Variants in TUBGCP2 observed in about 807,000 individuals in gnomAD.
TUBGCP2 encodes gamma-tubulin complex component 2.
Under a neutral mutation model 92.2 loss-of-function variants are expected in TUBGCP2, and 55 were observed. That is an observed-to-expected ratio of 0.60 (90% CI 0.48 to 0.75). TUBGCP2 has a LOEUF of 0.75. Ranked by LOEUF, TUBGCP2 falls within the 30% of genes least tolerant of loss-of-function variation. The probability of loss-of-function intolerance (pLI) is 0.00; values close to 1 mark genes in which losing one functional copy is unlikely to be tolerated. For synonymous variants in TUBGCP2, 533 were observed against 505.2 expected, an observed-to-expected ratio of 1.06 and a Z score of -0.74; for missense variants, 1,093 against 1,188.9, an observed-to-expected ratio of 0.92 and a Z score of 1.19.
At position 133,291,912 on chromosome 10, in the gene TUBGCP2, A is replaced by G. The variant is rs550222434; in HGVS notation, c.1214+587T>C. Among the ~76,000 whole-genome samples the G allele has an allele frequency of 6.0e-3, 50 of 8,298 alleles. 2 individuals carry two copies. Among genetic ancestry groups the G allele is most frequent in the African/African-American group, 0.018 (27 of 1,486 alleles). 5.4% of individuals were successfully genotyped at this position (8,298 alleles called of 152,430 possible). A position where few individuals can be genotyped will look rare whatever the true frequency, so the allele number is the denominator to read the frequency against. On this transcript the variant is annotated intron_variant, in intron 8 of 17. Coordinates refer to ENST00000252936, the MANE Select transcript of TUBGCP2 (RefSeq NM_006659.4). Reference sequence around the variant, plus strand: ...GCAGCATGCACCGTCCGTGTCCCCCATGTCCCTCCGTGTCCCCCATGTCCC... The same window carrying G: ...GCAGCATGCACCGTCCGTGTCCCCCGTGTCCCTCCGTGTCCCCCATGTCCC...
chr10:133,305,996 G>A (rs1446850317), intron 1 of TUBGCP2, among the ~76,000 whole-genome samples: 3 of 152,238 alleles, frequency 2.0e-5, no homozygotes, highest in Non-Finnish European at 4.4e-5. Context: ...TAGAGCTGTG[G>A]TAGAGAGAAG....
chr10:133,288,741 G>T, intron 10 of TUBGCP2, 99 bp downstream of exon 10: 1 of 1,340,712 alleles, frequency 7.5e-7, no homozygotes, highest in Non-Finnish European at 1.0e-6. Context: ...AGACAAGGCG[G>T]AGCTGCCAGA....
At chr10:133,283,330 A>G in intron 14 of TUBGCP2, 109 bp from the exon 15 acceptor site, 7 of 1,486,702 alleles carry the variant, frequency 4.7e-6, no homozygotes, top group East Asian at 2.3e-5. Flanking sequence ...ACGCACTTCT[A>G]CCTCTTAAAT....
chr10:133,283,883 G>C lies in TUBGCP2; in HGVS notation c.2144C>G (p.Ser715Cys). The C allele has an allele frequency of 6.2e-7, 1 of 1,613,880 alleles. No homozygotes were observed. The highest frequency in any genetic ancestry group is 8.5e-7 in the Non-Finnish European group (1 of 1,179,866). ...TWHILEKNLK[S>C]ASNIDDVLGH... ...ATTATCTGTGGAGCTAAAACTCACG[G>C]ATTTCAGGTTTTTCTCCAGGATGTG... Residue 715 changes from serine (S) to cysteine (C), a missense_variant and splice_region_variant, in exon 14 of 18, where the codon TCC becomes TGC. Physicochemically the swap from Ser to Cys is moderately radical, Grantham distance 112 (BLOSUM62 -1). This residue lies in a region of TUBGCP2 where 598 missense variants were observed against 675.5 expected (regional missense o/e 0.89). Coordinates refer to ENST00000252936, the MANE Select transcript of TUBGCP2 (RefSeq NM_006659.4).
At chr10:133,311,506 C>T, upstream of TUBGCP2, 1 of 515,658 alleles carries the variant, frequency 1.9e-6, no homozygotes, top group Non-Finnish European at 3.4e-6. Flanking sequence ...TTATAAGATG[C>T]AGACTCTATT....
rs1847177268 is a variant in TUBGCP2, at chr10:133,288,048, AGG to A, written c.1722+79_1722+80del. ...CTCACCGGGACGGGGAGTGGGGGAC[AGG>A]GCTGGCCTCTGCTGTGCTCTCCTCC... On this transcript the variant is annotated intron_variant, in intron 11 of 17. Coordinates refer to ENST00000252936, the MANE Select transcript of TUBGCP2 (RefSeq NM_006659.4). 12 of 1,489,434 alleles carry A rather than the reference AGG, an allele frequency of 8.1e-6. No homozygotes were observed. In the South Asian group the frequency reaches 1.5e-4, roughly 18 times the overall value. 92.3% of individuals were successfully genotyped at this position (1,489,434 alleles called of 1,614,324 possible).
At chr10:133,295,859 G>A (rs1022587727) in intron 5 of TUBGCP2, 1 of 152,610 alleles carries the variant, frequency 6.6e-6, no homozygotes, top group Non-Finnish European at 1.5e-5. Flanking sequence ...ATCGTGGGGT[G>A]AGGAGCTAGA....
chr10:133,308,939 G>C, upstream of TUBGCP2: 5 of 1,226,576 alleles, frequency 4.1e-6, no homozygotes, highest in Non-Finnish European at 5.1e-6. Context: ...CCCGCGCCCG[G>C]GGTGATGCAG....
chr10:133,293,903 G>A (rs1346112895), intron 5 of TUBGCP2, 134 bp from the exon 6 acceptor site: 5 of 925,682 alleles, frequency 5.4e-6, no homozygotes, highest in East Asian at 2.7e-5. Context: ...CACTGCACTT[G>A]GCTTTGACTG....
At position 133,293,104 on chromosome 10, in the gene TUBGCP2, G is replaced by A. The variant is rs201567115; in HGVS notation, c.959C>T (p.Ser320Leu). 165 of 1,613,880 alleles carry A rather than the reference G, an allele frequency of 1.0e-4. No homozygotes were observed. Among genetic ancestry groups the A allele is most frequent in the African/African-American group, 3.2e-4 (24 of 75,052 alleles). The change falls in exon 7 of 18, where the codon TCG (serine) becomes TTG (leucine). Residue 320 changes from serine (S) to leucine (L), a missense_variant. By Grantham distance (145) the Ser-to-Leu change is moderately radical. Around this residue, in one of 3 missense-constraint regions of TUBGCP2, gnomAD observed 490 missense variants for 488.5 expected, o/e 1.00. Coordinates refer to ENST00000252936, the MANE Select transcript of TUBGCP2 (RefSeq NM_006659.4). ...LEQLHRQGLL[S>L]LQKLWFYIQP... The stretch of plus-strand genomic sequence containing the variant: ...GATGTAGAACCAGAGCTTCTGCAGC[G>A]AAAGGAGGCCCTGCCTGTGCAGCTG...
chr10:133,282,654 C>T (rs1847012268), intron 15 of TUBGCP2, among the ~76,000 whole-genome samples: 1 of 152,228 alleles, frequency 6.6e-6, no homozygotes, highest in Non-Finnish European at 1.5e-5. Flanking sequence ...CCCCATGGCA[C>T]TGCCTGGAGA....
At position 133,292,624 on chromosome 10, in the gene TUBGCP2, GCTC is replaced by G. The variant is rs1375103136; in HGVS notation, c.1086_1088del (p.Arg362del). 6.2e-7 allele frequency: 1 copy of G among 1,614,032 alleles called. No homozygotes were observed. Among genetic ancestry groups the G allele is most frequent in the Non-Finnish European group, 8.5e-7 (1 of 1,180,030 alleles). ...CCTGGCTGTCCCCTGTGTAGCTGAAGCTCCTGTCGTGGAGCAGGCTCAGCGTGG... is the reference window on the plus strand; with the variant it reads ...CCTGGCTGTCCCCTGTGTAGCTGAAGCTGTCGTGGAGCAGGCTCAGCGTGG... On this transcript the variant is annotated inframe_deletion, in exon 8 of 18. Coordinates refer to ENST00000252936, the MANE Select transcript of TUBGCP2 (RefSeq NM_006659.4).
Position 133,293,780 on chromosome 10 carries a change from A to T in TUBGCP2, c.617-11T>A. 1 of 1,572,242 alleles carries T rather than the reference A, an allele frequency of 6.4e-7. No individual in the cohort carries two copies. Among genetic ancestry groups the T allele is most frequent in the Non-Finnish European group, 8.6e-7 (1 of 1,159,802 alleles). ...CCAGGGGCAACGTGCCTGCGGGCAC[A>T]GACAGCGCTGTGGCTCTGCAGCCCC... On this transcript the variant is annotated splice_polypyrimidine_tract_variant and intron_variant, in intron 5 of 17. Transcript: ENST00000252936.
chr10:133,306,507 G>T (rs1847821306), intron 1 of TUBGCP2, among the ~76,000 whole-genome samples: 2 of 152,174 alleles, frequency 1.3e-5, no homozygotes, highest in African/African-American at 2.4e-5. Flanking sequence ...AAAACTACAT[G>T]CTGGGCACGG....
chr10:133,312,205 G>C, upstream of TUBGCP2: 1 of 1,401,662 alleles, frequency 7.1e-7, no homozygotes, highest in African/African-American at 1.4e-5. Context: ...TGTGCCGTCT[G>C]CGTTTCTAGC....
In TUBGCP2 at chr10:133,283,226, G is replaced by A. The variant is rs759004988; in HGVS notation, c.2146-5C>T. On this transcript the variant is annotated splice_region_variant and splice_polypyrimidine_tract_variant and intron_variant, in intron 14 of 17. Transcript: ENST00000252936. Reference sequence around the variant, plus strand: ...GACGTCGTCAATGTTGGAGGCCTGCGGGGAACAGGCCAAGCCCCTTCTCAG... The same window carrying A: ...GACGTCGTCAATGTTGGAGGCCTGCAGGGAACAGGCCAAGCCCCTTCTCAG... 3.2e-5 allele frequency: 52 copies of A among 1,614,150 alleles called. No individual in the cohort carries two copies. The highest frequency in any genetic ancestry group is 1.7e-4 in the Middle Eastern group (1 of 6,060).
At chr10:133,284,992 T>TA in intron 13 of TUBGCP2, 93 bp downstream of exon 13, 1 of 1,494,740 alleles carries the variant, frequency 6.7e-7, no homozygotes. Flanking sequence ...GAAAGCTGTC[T>TA]ACCAGGAGGG....
intron 5 of TUBGCP2, among the ~76,000 whole-genome samples, chr10:133,297,114 G>C (rs1186284649): frequency 6.6e-6 from 1 of 152,188 alleles, no homozygotes; most frequent in Non-Finnish European, 1.5e-5. Flanking sequence ...ATCTAAAAAT[G>C]TACTTGACTA....
chr10:133,288,209 G>C lies in TUBGCP2; in HGVS notation c.1642C>G (p.Pro548Ala). ...ELRKPVEDIT[P>A]PRLEALLELA... ...TCCAGGAGCGCTTCCAGGCGAGGGG[G>C]CGTGATGTCCTCCACCGGCTTCCGG... Residue 548 changes from proline (P) to alanine (A), a missense_variant, in exon 11 of 18, where the codon CCC becomes GCC. Coordinates refer to ENST00000252936, the MANE Select transcript of TUBGCP2 (RefSeq NM_006659.4). 1 of 1,613,906 alleles carries C rather than the reference G, an allele frequency of 6.2e-7. No homozygotes were observed. Among genetic ancestry groups the C allele is most frequent in the Non-Finnish European group, 8.5e-7 (1 of 1,179,970 alleles).
Sources: gnomAD v4.1 joint callset for allele counts (sites outside exome capture counted in the v4.1 genomes callset) on GRCh38, gnomAD v4.1.1 for gene constraint, gnomAD v4.1.1 regional missense constraint, MANE v1.5 for transcripts, NCBI Gene and HGNC (gene_info 2026-07-23, HGNC 2026-07-21) for gene names.